The following TRMT9B variants were observed in gnomAD, a reference collection of about 807,000 sequenced individuals.
TRMT9B encodes probable tRNA methyltransferase 9B.
In TRMT9B, 16 loss-of-function variants were observed where a neutral mutation model predicts 11.5. That is an observed-to-expected ratio of 1.39 (90% confidence interval 0.94 to 2.11). The LOEUF (loss-of-function observed/expected upper bound fraction) is 2.11, where lower values mean the gene tolerates loss of function less well. Among genes scored for constraint, TRMT9B ranks in the 30% most tolerant of loss-of-function variants. The pLI is 0.00. For missense variants in TRMT9B, 941 were observed against 553.8 expected (o/e 1.70, Z -7.02); for synonymous variants, 274 against 192.4 (o/e 1.42, Z -3.51).
intron 1 of TRMT9B, among the ~76,000 whole-genome samples, chr8:12,981,450 A>G (rs964573845): frequency 4.6e-5 from 7 of 152,262 alleles, no homozygotes; most frequent in South Asian, 4.2e-4. Flanking sequence ...GAGTGATACA[A>G]TGGTGACACA....
At chr8:13,016,798 T>C (rs868674417) in intron 4 of TRMT9B, among the ~76,000 whole-genome samples, 1 of 150,202 alleles carries the variant, frequency 6.7e-6, no homozygotes. Flanking sequence ...TGGAGACATT[T>C]TTAATTGTCA....
At chr8:13,016,101 T>C (rs1812600113) in intron 4 of TRMT9B, among the ~76,000 whole-genome samples, 1 of 144,610 alleles carries the variant, frequency 6.9e-6, no homozygotes, top group Non-Finnish European at 1.5e-5. Context: ...TGGGTATATA[T>C]ATATGATATA....
At chr8:13,007,215 G>A (rs918864955) in intron 3 of TRMT9B, 2 of 152,160 alleles carry the variant, frequency 1.3e-5, no homozygotes, top group African/African-American at 2.4e-5. Flanking sequence ...TGAATCTCAT[G>A]GGTCCTTTCC....
intron 1 of TRMT9B, among the ~76,000 whole-genome samples, chr8:12,984,595 C>A (rs1431489581): frequency 6.6e-6 from 1 of 152,098 alleles, no homozygotes; most frequent in Non-Finnish European, 1.5e-5. Flanking sequence ...CTGGAAGTGC[C>A]TTTCGTATGT....
intron 2 of TRMT9B, among the ~76,000 whole-genome samples, chr8:12,994,512 C>T (rs950626728): frequency 6.6e-6 from 1 of 152,030 alleles, no homozygotes; most frequent in African/African-American, 2.4e-5. Flanking sequence ...ATCAAGTGCC[C>T]GGAGGTGACT....
intron 2 of TRMT9B, among the ~76,000 whole-genome samples, chr8:13,004,257 G>A (rs1489071317): frequency 6.6e-6 from 1 of 151,930 alleles, no homozygotes; most frequent in Non-Finnish European, 1.5e-5. Context: ...GCTCCTAGGT[G>A]AGTCCTCCTG....
At chr8:12,970,815 A>C (rs1027318901) in intron 1 of TRMT9B, among the ~76,000 whole-genome samples, 3 of 152,160 alleles carry the variant, frequency 2.0e-5, no homozygotes, top group African/African-American at 7.2e-5. Flanking sequence ...TAGTCTGTAC[A>C]GGGTAACACG....
intron 1 of TRMT9B, chr8:12,952,420 A>G (rs1248809293): frequency 1.9e-5 from 6 of 308,676 alleles, no homozygotes; most frequent in Non-Finnish European, 3.3e-5. Context: ...CCTTGCAAAC[A>G]GCCTTGCAAT....
At chr8:12,964,667 C>T (rs191772466) in intron 1 of TRMT9B, among the ~76,000 whole-genome samples, 9 of 152,240 alleles carry the variant, frequency 5.9e-5, no homozygotes, top group South Asian at 4.2e-4. Flanking sequence ...CTCAAACTCC[C>T]GGGCTCAAGC....
At chr8:12,981,728 TAGC>T (rs1368249464) in intron 1 of TRMT9B, among the ~76,000 whole-genome samples, 1 of 151,854 alleles carries the variant, frequency 6.6e-6, no homozygotes, top group African/African-American at 2.4e-5. Flanking sequence ...GTCTCCTGAG[TAGC>T]TAGGACTATA....
intron 1 of TRMT9B, among the ~76,000 whole-genome samples, chr8:12,970,626 G>A (rs1178820270): frequency 1.3e-5 from 2 of 152,212 alleles, no homozygotes; most frequent in African/African-American, 2.4e-5. Flanking sequence ...GATGGTTAAT[G>A]CAGCTGTCAA....
chr8:12,958,083 G>GT (rs141517647), intron 1 of TRMT9B, among the ~76,000 whole-genome samples: 2,668 of 152,182 alleles, frequency 0.018, 41 homozygotes, highest in Non-Finnish European at 0.028. Flanking sequence ...AGAAAAAGAG[G>GT]TTTTTTGTCC....
chr8:12,986,471 T>C (rs1333282796), intron 1 of TRMT9B, among the ~76,000 whole-genome samples: 2 of 152,224 alleles, frequency 1.3e-5, no homozygotes, highest in Non-Finnish European at 2.9e-5. Flanking sequence ...GCTCATACTG[T>C]AATATAAAAT....
intron 4 of TRMT9B, among the ~76,000 whole-genome samples, chr8:13,015,609 C>T (rs956385223): frequency 2.6e-5 from 4 of 152,138 alleles, no homozygotes; most frequent in African/African-American, 9.7e-5. Flanking sequence ...CTGCCTTGGC[C>T]TCCCAAAGTG....
intron 4 of TRMT9B, among the ~76,000 whole-genome samples, chr8:13,017,106 G>T (rs1378341123): frequency 6.6e-6 from 1 of 151,828 alleles, no homozygotes; most frequent in Non-Finnish European, 1.5e-5. Context: ...CTGGGCGACA[G>T]AGCAAGACTG....
chr8:12,959,626 C>A (rs1003861000), intron 1 of TRMT9B, among the ~76,000 whole-genome samples: 2 of 143,184 alleles, frequency 1.4e-5, no homozygotes, highest in Admixed American at 7.4e-5. Flanking sequence ...CTCAAATGAT[C>A]CTCCTGCCTC....
chr8:12,957,669 C>G (rs1049731235), intron 1 of TRMT9B, among the ~76,000 whole-genome samples: 3 of 152,232 alleles, frequency 2.0e-5, no homozygotes, highest in Admixed American at 6.5e-5. Context: ...CTCAGCAAAC[C>G]TAGGGGTGAC....
At chr8:12,973,809 T>C (rs1344565100) in intron 1 of TRMT9B, among the ~76,000 whole-genome samples, 1 of 152,148 alleles carries the variant, frequency 6.6e-6, no homozygotes, top group Non-Finnish European at 1.5e-5. Flanking sequence ...GAGAACAGCC[T>C]TTAGTTCCCA....
chr8:12,969,088 C>T (rs904795956), intron 1 of TRMT9B, among the ~76,000 whole-genome samples: 16 of 152,116 alleles, frequency 1.1e-4, no homozygotes, highest in Non-Finnish European at 1.9e-4. Context: ...TAGCATGCAC[C>T]TGTAATTCTA....
Sources: allele counts gnomAD v4.1 joint callset (sites outside exome capture counted in the v4.1 genomes callset), GRCh38; gene constraint gnomAD v4.1.1; transcripts MANE v1.5; gene names NCBI Gene and HGNC (gene_info 2026-07-23, HGNC 2026-07-21).